ZNF638: variants seen among roughly 807,000 people sequenced by gnomAD.
ZNF638 encodes the protein CTCL tumor antigen se33-1.
In ZNF638, 46 loss-of-function variants were observed where a neutral mutation model predicts 195.6. The observed-to-expected ratio is 0.24, with a 90% CI of 0.19 to 0.30. The LOEUF is 0.30. ZNF638 is among the 10% of genes least tolerant of loss of function. ZNF638 has a pLI of 1.00. For synonymous variants in ZNF638, 845 were observed against 772.0 expected (o/e 1.09, Z -1.57); for missense variants, 2,440 against 2,325.3 (o/e 1.05, Z -1.01).
chr2:71,417,108 G>T (rs1424378366), intron 20 of ZNF638, among the ~76,000 whole-genome samples: 1 of 140,900 alleles, frequency 7.1e-6, no homozygotes. Context: ...ATCTCAGAGT[G>T]CTGTGCTAGC....
chr2:71,418,657 T>G lies in ZNF638; in HGVS notation c.3299+18T>G, dbSNP rs766060462. Reference sequence around the variant, plus strand: ...AAAGAAAGGTATGTTGCTTTATGTTTACTAACACTTTTGTATAGTATTTAG... The same window carrying G: ...AAAGAAAGGTATGTTGCTTTATGTTGACTAACACTTTTGTATAGTATTTAG... On this transcript the variant is annotated intron_variant, in intron 21 of 27. Coordinates refer to ENST00000264447, the MANE Select transcript of ZNF638 (RefSeq NM_014497.5). The G allele has an allele frequency of 6.5e-7, 1 of 1,535,728 alleles. No individual in the cohort carries two copies. Among genetic ancestry groups the G allele is most frequent in the Non-Finnish European group, 8.8e-7 (1 of 1,134,912 alleles).
chr2:71,332,010 G>A, intron 1 of ZNF638, 135 bp downstream of exon 1: 1 of 854,206 alleles, frequency 1.2e-6, no homozygotes, highest in Non-Finnish European at 1.4e-6. Context: ...AATGGCGGCG[G>A]GCAGACGGCG....
chr2:71,426,426 GT>G, intron 23 of ZNF638, 33 bp from the exon 24 acceptor site: 1 of 1,493,926 alleles, frequency 6.7e-7, no homozygotes, highest in South Asian at 1.4e-5. Flanking sequence ...GTCAAAATTT[GT>G]TTACAATACT....
chr2:71,374,798 A>T (rs1213963872), intron 8 of ZNF638: 1 of 152,242 alleles, frequency 6.6e-6, no homozygotes, highest in African/African-American at 2.4e-5. Flanking sequence ...GCATGCATGT[A>T]GTCCCAGCTA....
At chr2:71,372,673 G>A (rs558215918) in intron 8 of ZNF638, among the ~76,000 whole-genome samples, 1 of 152,296 alleles carries the variant, frequency 6.6e-6, no homozygotes, top group South Asian at 2.1e-4. Context: ...AAAATTTGGT[G>A]TTCCTGCTGG....
intron 1 of ZNF638, among the ~76,000 whole-genome samples, chr2:71,345,183 A>G (rs557908909): frequency 6.6e-6 from 1 of 152,184 alleles, no homozygotes; most frequent in African/African-American, 2.4e-5. Flanking sequence ...TATCACAGGT[A>G]TGGATATATA....
intron 5 of ZNF638, 46 bp downstream of exon 5, chr2:71,364,298 A>G (rs2079158806): frequency 6.5e-7 from 1 of 1,532,056 alleles, no homozygotes; most frequent in Non-Finnish European, 8.8e-7. Flanking sequence ...TTTTGACTAA[A>G]TTTTTAAATG....
chr2:71,428,798 A>T, intron 25 of ZNF638, 147 bp downstream of exon 25: 3 of 587,416 alleles, frequency 5.1e-6, no homozygotes, highest in Non-Finnish European at 9.1e-6. Context: ...AGATGTGGGT[A>T]ACATTTTGAT....
In ZNF638 at chr2:71,331,805, C is replaced by G. The variant is rs899842651; in HGVS notation, c.-273C>G. The G allele has an allele frequency of 5.1e-6, 5 of 985,880 alleles. No individual in the cohort carries two copies. The highest frequency in any genetic ancestry group is 4.7e-5 in the South Asian group (1 of 21,292). 61.1% of individuals were successfully genotyped at this position (985,880 alleles called of 1,614,324 possible). A position where few individuals can be genotyped will look rare whatever the true frequency, so the allele number is the denominator to read the frequency against. ...TTGGAGGCGGTAGCGTTTTCGGCGT[C>G]GAGACTGGAGGCTGAGTGCTAAACT... On this transcript the variant is annotated 5_prime_UTR_variant, in exon 1 of 28. Coordinates refer to ENST00000264447, the MANE Select transcript of ZNF638 (RefSeq NM_014497.5).
chr2:71,421,378 T>A (rs925007464), intron 21 of ZNF638, among the ~76,000 whole-genome samples: 3 of 152,032 alleles, frequency 2.0e-5, no homozygotes, highest in Non-Finnish European at 4.4e-5. Context: ...AAAAAAAACA[T>A]TTTAGCATGC....
Position 71,349,777 on chromosome 2 carries a change from C to G in ZNF638, c.823C>G (p.Pro275Ala). The change falls in exon 2 of 28, where the codon CCC (proline) becomes GCC (alanine). Residue 275 changes from proline to alanine, a missense_variant. Physicochemically the swap from Pro to Ala is conservative, Grantham distance 27 (BLOSUM62 -1). Transcript: ENST00000264447. The stretch of plus-strand genomic sequence containing the variant: ...AGACGTATTTCGCCAAATGGACTTC[C>G]CCGGTGAGTCCTCCAATAATCGGTC... ...VEDVFRQMDF[P>A]GESSNNRSFF... 6.2e-7 allele frequency: 1 copy of G among 1,614,118 alleles called. No homozygotes were observed. The highest frequency in any genetic ancestry group is 8.5e-7 in the Non-Finnish European group (1 of 1,180,034).
rs866309264 is a variant in ZNF638 at position 71,410,382 on chromosome 2, G to T, written c.3261+2135G>T. Among the ~76,000 whole-genome samples the T allele has an allele frequency of 9.9e-5, 15 of 151,484 alleles. 1 individual carries two copies. Among genetic ancestry groups the T allele is most frequent in the East Asian group, 5.9e-4 (3 of 5,110 alleles). ...ATTTGATTTTTGATTTTTTTTTTGT[G>T]TGTGTGTGTGTGTAGATGGGGTCTC... On this transcript the variant is annotated intron_variant, in intron 20 of 27. Transcript: ENST00000264447.
intron 20 of ZNF638, among the ~76,000 whole-genome samples, chr2:71,410,956 AG>A (rs2080202577): frequency 7.2e-6 from 1 of 138,714 alleles, no homozygotes; most frequent in African/African-American, 2.7e-5. Flanking sequence ...CTTTTAGAGC[AG>A]GAAGTTTTTC....
chr2:71,423,331 G>C lies in ZNF638; in HGVS notation c.3817G>C (p.Glu1273Gln). ...AGTAGAAAAAAATGAAACTGTTTCG[G>C]AAATATTGCCATCAACTTGTATTGT... ...AEVEKNETVS[E>Q]ILPSTCIVTL... The change falls in exon 22 of 28, where the codon GAA (glutamate) becomes CAA (glutamine). Residue 1273 changes from glutamate (E) to glutamine (Q), a missense_variant. By Grantham distance (29) the Glu-to-Gln change is conservative (BLOSUM62 2). Coordinates refer to ENST00000264447, the MANE Select transcript of ZNF638 (RefSeq NM_014497.5). The C allele has an allele frequency of 6.2e-7, 1 of 1,613,908 alleles. No homozygotes were observed. The highest frequency in any genetic ancestry group is 8.5e-7 in the Non-Finnish European group (1 of 1,179,990).
Position 71,422,924 on chromosome 2 carries a change from C to T in ZNF638, c.3410C>T (p.Thr1137Ile). ...LEEESTPSIQ[T>I]ETLVQQEEPC... ...GAAGAAAGTACTCCCAGCATTCAAA[C>T]AGAAACTTTGGTACAGCAGGAAGAG... is the stretch of plus-strand genomic sequence containing the variant. Residue 1137 changes from threonine (T) to isoleucine (I), a missense_variant, in exon 22 of 28, where the codon ACA becomes ATA. Thr to Ile is a moderately conservative substitution (Grantham distance 89). Around this residue, in one of 5 missense-constraint regions of ZNF638, gnomAD observed 1,883 missense variants for 1,739.1 expected, o/e 1.08. Transcript: ENST00000264447. 1 of 1,614,132 alleles carries T rather than the reference C, an allele frequency of 6.2e-7. No individual in the cohort carries two copies. The highest frequency in any genetic ancestry group is 8.5e-7 in the Non-Finnish European group (1 of 1,179,992).
Position 71,398,964 on chromosome 2 carries a change from CA to C in ZNF638, c.2500+193del, listed in dbSNP as rs1224191228. Reference sequence around the variant, plus strand: ...ATATTTTTGTGCATGTAAACAATCACATATATATAAAGCTATATAACTGTAC... The same window carrying C: ...ATATTTTTGTGCATGTAAACAATCACTATATATAAAGCTATATAACTGTAC... On this transcript the variant is annotated intron_variant, in intron 12 of 27. Transcript: ENST00000264447. Among the ~76,000 whole-genome samples, 12 of 152,228 alleles carry C rather than the reference CA, an allele frequency of 7.9e-5. No homozygotes were observed. In the South Asian group the frequency reaches 1.5e-3, roughly 18 times the overall value.
chr2:71,430,473 A>C (rs1488526495), intron 25 of ZNF638, among the ~76,000 whole-genome samples: 1 of 152,210 alleles, frequency 6.6e-6, no homozygotes, highest in African/African-American at 2.4e-5. Context: ...CCTCAGGAAT[A>C]CTAAAGAGTA....
chr2:71,343,174 G>A (rs2078791310), intron 1 of ZNF638, among the ~76,000 whole-genome samples: 1 of 151,992 alleles, frequency 6.6e-6, no homozygotes, highest in Admixed American at 6.5e-5. Flanking sequence ...ACTGACAAAC[G>A]TTACTGAAAT....
At chr2:71,406,347 C>T (rs974515952) in intron 19 of ZNF638, 85 bp downstream of exon 19, 27 of 1,186,540 alleles carry the variant, frequency 2.3e-5, no homozygotes, top group Non-Finnish European at 2.9e-5. Context: ...AACTTCTGAT[C>T]TGAAGCACCT....
Sources: gnomAD v4.1 joint callset for allele counts (sites outside exome capture counted in the v4.1 genomes callset) on GRCh38, gnomAD v4.1.1 for gene constraint, gnomAD v4.1.1 regional missense constraint, MANE v1.5 for transcripts, NCBI Gene and HGNC (gene_info 2026-07-23, HGNC 2026-07-21) for gene names.